Variants in NCOR2 observed in about 807,000 individuals in gnomAD.
The protein encoded by NCOR2 is nuclear receptor corepressor 2.
In NCOR2, 81 loss-of-function variants were observed where a neutral mutation model predicts 262.9. The ratio of observed to expected loss-of-function variants is 0.31; its 90% CI spans 0.26 to 0.37. NCOR2 has a LOEUF of 0.37. Ranked by LOEUF, NCOR2 falls within the 10% of genes least tolerant of loss-of-function variation. NCOR2 has a pLI of 1.00. For synonymous variants in NCOR2, 1,659 were observed against 1,559.3 expected (o/e 1.06, Z -1.51); for missense variants, 3,385 against 3,621.4 (o/e 0.93, Z 1.68).
At chr12:124,358,899 G>C (rs921116302) in intron 22 of NCOR2, among the ~76,000 whole-genome samples, 10 of 152,222 alleles carry the variant, frequency 6.6e-5, no homozygotes, top group Admixed American at 2.0e-4. Flanking sequence ...TTTCACAGAC[G>C]GGAAAATGGA....
chr12:124,485,933 T>G, intron 2 of NCOR2, among the ~76,000 whole-genome samples: 1 of 150,954 alleles, frequency 6.6e-6, no homozygotes. Flanking sequence ...CCCCTTGCTG[T>G]AGTCCCTCCA....
rs529164446 is a variant in NCOR2, at chr12:124,494,552, G to A, written c.105+595C>T. On this transcript the variant is annotated intron_variant, in intron 1 of 46. Transcript: ENST00000405201. ...CAGGGCACACATGTGGGCAGGCAGC[G>A]AGGCCCACCTGCTCCCAGGGCAAGC... is the stretch of plus-strand genomic sequence containing the variant. 5.2e-4 allele frequency among the ~76,000 whole-genome samples: 79 copies of A among 152,278 alleles called. No individual in the cohort carries two copies. In the South Asian group the frequency reaches 0.014, roughly 27 times the overall value.
At chr12:124,429,456 C>T (rs1401941089) in intron 10 of NCOR2, 157 bp downstream of exon 12, 14 of 718,304 alleles carry the variant, frequency 1.9e-5, no homozygotes, top group South Asian at 5.2e-5. Flanking sequence ...AGGCCTGGGA[C>T]GGGTACCTCA....
chr12:124,354,260 C>A (rs2037762426), intron 26 of NCOR2, 64 bp from the exon 29 acceptor site: 1 of 1,473,330 alleles, frequency 6.8e-7, no homozygotes, highest in Non-Finnish European at 9.2e-7. Context: ...AGGCCCCAGT[C>A]CTGAGAGCCA....
chr12:124,520,245 G>C (rs1041020523), intron 1 of NCOR2, among the ~76,000 whole-genome samples: 1 of 152,182 alleles, frequency 6.6e-6, no homozygotes, highest in African/African-American at 2.4e-5. Context: ...GGGAAACTGA[G>C]GCACAGGAAG....
chr12:124,488,640 G>A (rs1205848697), intron 1 of NCOR2, among the ~76,000 whole-genome samples: 2 of 152,226 alleles, frequency 1.3e-5, no homozygotes, highest in Non-Finnish European at 2.9e-5. Flanking sequence ...GGAGGGAGTG[G>A]AGGAGGCCAC....
chr12:124,436,672 C>G (rs2044352489), intron 8 of NCOR2, among the ~76,000 whole-genome samples: 1 of 152,266 alleles, frequency 6.6e-6, no homozygotes, highest in Non-Finnish European at 1.5e-5. Context: ...AGGCCCTCTC[C>G]TGGCCTAATC....
chr12:124,335,117 C>G lies in NCOR2; in HGVS notation c.6411+18G>C. On this transcript the variant is annotated intron_variant, in intron 40 of 46. Transcript: ENST00000405201. ...CAGGTGCAAAGGTGACAAGCAGCAGCAGAGAACGCGTAGTTACACTGATGT... is the reference window on the plus strand; with the variant it reads ...CAGGTGCAAAGGTGACAAGCAGCAGGAGAGAACGCGTAGTTACACTGATGT... 6.2e-7 allele frequency: 1 copy of G among 1,612,374 alleles called. No individual in the cohort carries two copies. Among genetic ancestry groups the G allele is most frequent in the Middle Eastern group, 1.8e-4 (1 of 5,682 alleles).
chr12:124,339,402 ACCAC>A (rs1368617367), intron 37 of NCOR2, among the ~76,000 whole-genome samples: 2 of 123,152 alleles, frequency 1.6e-5, no homozygotes, highest in Non-Finnish European at 3.3e-5. Flanking sequence ...CTACCTACCT[ACCAC>A]CCACCCACCC....
intron 1 of NCOR2, among the ~76,000 whole-genome samples, chr12:124,543,704 C>T (rs2137232419): frequency 6.6e-6 from 1 of 152,328 alleles, no homozygotes; most frequent in South Asian, 2.1e-4. Flanking sequence ...GGAAGGGGGA[C>T]GCGGGCTCTG....
chr12:124,392,956 A>G (rs2041413044), intron 16 of NCOR2, among the ~76,000 whole-genome samples: 1 of 152,098 alleles, frequency 6.6e-6, no homozygotes, highest in African/African-American at 2.4e-5. Flanking sequence ...ACATCCTCCC[A>G]CTGTTGGCCG....
chr12:124,350,728 C>G (rs754887514), exon 28 of NCOR2: 4 of 1,611,162 alleles, frequency 2.5e-6, no homozygotes, highest in Middle Eastern at 1.7e-4. Flanking sequence ...AGGACGTCAG[C>G]TGGCGTGCCC....
At chr12:124,344,685 G>A (rs1237506610) in exon 32 of NCOR2, 1 of 1,527,510 alleles carries the variant, frequency 6.5e-7, no homozygotes, top group South Asian at 1.2e-5. Context: ...GGTCCTCATA[G>A]GTCAGGGGGC....
intron 4 of NCOR2, among the ~76,000 whole-genome samples, chr12:124,470,489 C>A (rs556908913): frequency 6.6e-6 from 1 of 152,278 alleles, no homozygotes; most frequent in African/African-American, 2.4e-5. Flanking sequence ...CATCTCCATA[C>A]AACGGAATAT....
intron 17 of NCOR2, among the ~76,000 whole-genome samples, chr12:124,381,889 A>C (rs1326258092): frequency 6.6e-6 from 1 of 152,232 alleles, no homozygotes; most frequent in East Asian, 1.9e-4. Context: ...CGTAGAAGAC[A>C]CTGATGCCAA....
intron 12 of NCOR2, among the ~76,000 whole-genome samples, chr12:124,422,298 C>T (rs1297771630): frequency 1.3e-5 from 2 of 152,210 alleles, no homozygotes; most frequent in African/African-American, 4.8e-5. Flanking sequence ...CCTCCATGGG[C>T]CCAGGAGGCC....
At chr12:124,351,359 G>A (rs1362026976) in intron 27 of NCOR2, among the ~76,000 whole-genome samples, 1 of 148,082 alleles carries the variant, frequency 6.8e-6, no homozygotes, top group African/African-American at 2.5e-5. Context: ...CCTCCTGACA[G>A]CTGGAGCTGG....
chr12:124,334,558 G>T, exon 41 of NCOR2: 2 of 1,416,940 alleles, frequency 1.4e-6, no homozygotes, highest in East Asian at 2.8e-5. Flanking sequence ...AGAGGGGGGC[G>T]GGCAGGGGTG....
intron 8 of NCOR2, among the ~76,000 whole-genome samples, chr12:124,434,222 GGTCTGACT>G (rs2044200046): frequency 6.6e-6 from 1 of 151,984 alleles, no homozygotes; most frequent in East Asian, 1.9e-4. Context: ...GTCTGAGGGG[GGTCTGACT>G]CCCCAGTGGG....
Sources: allele counts gnomAD v4.1 joint callset (sites outside exome capture counted in the v4.1 genomes callset), GRCh38; gene constraint gnomAD v4.1.1; transcripts MANE v1.5; gene names NCBI Gene and HGNC (gene_info 2026-07-23, HGNC 2026-07-21).